FANCL: variants seen among roughly 807,000 people sequenced by gnomAD.
FANCL encodes E3 ubiquitin-protein ligase FANCL.
A neutral mutation model predicts 59.4 loss-of-function variants in FANCL; 69 were observed. The ratio of observed to expected loss-of-function variants is 1.16; its 90% CI spans 0.96 to 1.42. The LOEUF (loss-of-function observed/expected upper bound fraction) is 1.42, where lower values mean the gene tolerates loss of function less well. Among genes scored for constraint, FANCL ranks in the 40% most tolerant of loss-of-function variants. The pLI is 0.00. For missense variants in FANCL, 519 were observed against 447.2 expected (o/e 1.16, Z -1.45); for synonymous variants, 180 against 147.1 (o/e 1.22, Z -1.62).
intron 1 of FANCL, among the ~76,000 whole-genome samples, chr2:58,240,340 G>A (rs1005457631): frequency 6.6e-6 from 1 of 152,076 alleles, no homozygotes; most frequent in African/African-American, 2.4e-5. Context: ...GTGGGGAAGT[G>A]GGCACAAGGT....
rs199860158 is a variant in FANCL, at chr2:58,177,037, T to C, written c.541-11163A>G. On this transcript the variant is annotated intron_variant, in intron 7 of 13. Coordinates refer to ENST00000233741, the MANE Select transcript of FANCL (RefSeq NM_018062.4). ...CAAGAAACACATGAAAAAATGCTCATCATCACTGGCCATCAGAGAAATGCA... is the reference window on the plus strand; with the variant it reads ...CAAGAAACACATGAAAAAATGCTCACCATCACTGGCCATCAGAGAAATGCA... Among the ~76,000 whole-genome samples, 167 of 152,246 alleles carry C rather than the reference T, an allele frequency of 1.1e-3. 1 individual carries two copies. The East Asian group carries it at 0.025, about 23-fold the overall frequency.
chr2:58,239,810 G>T (rs957962201), intron 1 of FANCL, among the ~76,000 whole-genome samples: 5 of 152,150 alleles, frequency 3.3e-5, no homozygotes, highest in Non-Finnish European at 7.4e-5. Context: ...GTAAAATGGA[G>T]AAAATGTAAA....
At chr2:58,164,822 T>C (rs985296293) in intron 8 of FANCL, among the ~76,000 whole-genome samples, 1 of 152,056 alleles carries the variant, frequency 6.6e-6, no homozygotes, top group African/African-American at 2.4e-5. Flanking sequence ...CAGTTAGACT[T>C]TTTGAAACCA....
rs993364611 is a variant in FANCL, at chr2:58,159,740, T to G, written c.*25A>C. ...TGATAATTTTTTAAGTTTCCAGCTC[T>G]TCACCGAAATGTTGTATTCTTATTT... On this transcript the variant is annotated 3_prime_UTR_variant, in exon 14 of 14. Coordinates refer to ENST00000233741, the MANE Select transcript of FANCL (RefSeq NM_018062.4). 6.2e-7 allele frequency: 1 copy of G among 1,612,814 alleles called. No homozygotes were observed. Among genetic ancestry groups the G allele is most frequent in the African/African-American group, 1.3e-5 (1 of 74,864 alleles).
intron 5 of FANCL, among the ~76,000 whole-genome samples, chr2:58,217,179 T>C (rs191453402): frequency 0.18 from 2,333 of 13,106 alleles, 214 homozygotes; most frequent in African/African-American, 0.39. Context: ...TATATATATA[T>C]ATATATATAT....
At chr2:58,175,741 C>A (rs919942934) in intron 7 of FANCL, among the ~76,000 whole-genome samples, 1 of 152,182 alleles carries the variant, frequency 6.6e-6, no homozygotes, top group Non-Finnish European at 1.5e-5. Context: ...GATGCCCTCT[C>A]TCACCACTCC....
At chr2:58,162,995 C>T (rs777259158) in intron 10 of FANCL, 34 bp downstream of exon 10, 2 of 1,611,826 alleles carry the variant, frequency 1.2e-6, no homozygotes, top group Non-Finnish European at 1.7e-6. Flanking sequence ...GTAAAATCAC[C>T]AAAAAGTAAA....
At chr2:58,222,431 C>A (rs941008697) in intron 4 of FANCL, among the ~76,000 whole-genome samples, 2 of 151,886 alleles carry the variant, frequency 1.3e-5, no homozygotes, top group African/African-American at 2.4e-5. Flanking sequence ...AAGGCCTGAA[C>A]TCTAAGTACA....
At chr2:58,189,874 T>C (rs764174197) in intron 7 of FANCL, among the ~76,000 whole-genome samples, 6 of 152,134 alleles carry the variant, frequency 3.9e-5, no homozygotes, top group Non-Finnish European at 7.4e-5. Flanking sequence ...TTTTCAATTC[T>C]GATCTTTTTT....
At position 58,165,856 on chromosome 2, in the gene FANCL, A is replaced by G; in HGVS notation, c.559T>C (p.Tyr187His). 1 of 1,614,054 alleles carries G rather than the reference A, an allele frequency of 6.2e-7. No individual in the cohort carries two copies. The highest frequency in any genetic ancestry group is 8.5e-7 in the Non-Finnish European group (1 of 1,179,946). ...TCTATTGCTGCCAAAAACTGACTAT[A>G]AATGCTTATTAAGGAGCTCTGTGAA... ...WTPQSSLISI[Y>H]SQFLAAIESL... The change falls in exon 8 of 14, where the codon TAT (tyrosine) becomes CAT (histidine). Residue 187 changes from tyrosine to histidine, a missense_variant. Transcript: ENST00000233741.
At chr2:58,204,260 C>A (rs765040501) in intron 5 of FANCL, 34 bp from the exon 6 acceptor site, 2 of 1,491,782 alleles carry the variant, frequency 1.3e-6, no homozygotes, top group Non-Finnish European at 1.9e-6. Context: ...AATGATCACA[C>A]CGGGGAGAGC....
intron 5 of FANCL, among the ~76,000 whole-genome samples, chr2:58,217,199 T>A (rs1366861135): frequency 2.1e-4 from 2 of 9,680 alleles, no homozygotes; most frequent in African/African-American, 2.8e-4. Flanking sequence ...TATATATATA[T>A]ATATATATAT....
intron 1 of FANCL, among the ~76,000 whole-genome samples, chr2:58,233,589 G>A (rs183958650): frequency 2.8e-4 from 42 of 151,948 alleles, no homozygotes; most frequent in Non-Finnish European, 3.1e-4. Context: ...CAGGGTACAC[G>A]ATAAACCTCA....
intron 7 of FANCL, among the ~76,000 whole-genome samples, chr2:58,184,451 T>C (rs1157290439): frequency 6.6e-6 from 1 of 152,050 alleles, no homozygotes; most frequent in Non-Finnish European, 1.5e-5. Flanking sequence ...CACAAATTCT[T>C]AACAGGAATA....
intron 12 of FANCL, among the ~76,000 whole-genome samples, chr2:58,161,083 G>A (rs1366166386): frequency 1.3e-5 from 2 of 151,902 alleles, no homozygotes. Flanking sequence ...AGTAGTATTG[G>A]ATATATTCTA....
At position 58,161,657 on chromosome 2, in the gene FANCL, T is replaced by C. The variant is rs377725250; in HGVS notation, c.904-19A>G. Reference sequence around the variant, plus strand: ...TAAAATCCTTCAAAAGAAAAATATTTATAAAAAGCGTATGTGTCTCACTAA... The same window carrying C: ...TAAAATCCTTCAAAAGAAAAATATTCATAAAAAGCGTATGTGTCTCACTAA... On this transcript the variant is annotated intron_variant, in intron 11 of 13. Transcript: ENST00000233741. The C allele has an allele frequency of 1.3e-5, 20 of 1,532,544 alleles. No individual in the cohort carries two copies. Among genetic ancestry groups the C allele is most frequent in the Non-Finnish European group, 1.7e-5 (19 of 1,107,220 alleles). 94.9% of individuals were successfully genotyped at this position (1,532,544 alleles called of 1,614,324 possible). A position where few individuals can be genotyped will look rare whatever the true frequency, so the allele number is the denominator to read the frequency against.
chr2:58,225,935 A>C (rs1256251876), intron 4 of FANCL, among the ~76,000 whole-genome samples: 1 of 152,070 alleles, frequency 6.6e-6, no homozygotes, highest in Middle Eastern at 3.2e-3. Context: ...CCTTGTTTGC[A>C]TACTAATACA....
At chr2:58,163,917 T>C (rs1017651730) in intron 8 of FANCL, among the ~76,000 whole-genome samples, 1 of 151,924 alleles carries the variant, frequency 6.6e-6, no homozygotes, top group African/African-American at 2.4e-5. Flanking sequence ...TTCATAGAAC[T>C]ATGGCCAAAT....
intron 13 of FANCL, 82 bp from the exon 14 acceptor site, chr2:58,159,882 G>A (rs949402305): frequency 1.3e-6 from 2 of 1,589,372 alleles, no homozygotes; most frequent in Non-Finnish European, 1.7e-6. Context: ...TAGTGTCATA[G>A]AATAGTGTCA....
Sources: gnomAD v4.1 joint callset for allele counts (sites outside exome capture counted in the v4.1 genomes callset) on GRCh38, gnomAD v4.1.1 for gene constraint, MANE v1.5 for transcripts, NCBI Gene and HGNC (gene_info 2026-07-23, HGNC 2026-07-21) for gene names.